The following TJP3 variants were observed in gnomAD, a reference collection of about 807,000 sequenced individuals.
TJP3 encodes the protein tight junction protein 3.
Under a neutral mutation model 104.2 loss-of-function variants are expected in TJP3, and 85 were observed. The observed-to-expected ratio is 0.82, with a 90% CI of 0.68 to 0.98. The LOEUF (loss-of-function observed/expected upper bound fraction) is 0.98. TJP3 is among the 50% of genes least tolerant of loss of function. The pLI is 0.00. For synonymous variants in TJP3, 550 were observed against 550.6 expected (o/e 1.00, Z 0.02); for missense variants, 1,367 against 1,322.8 (o/e 1.03, Z -0.52).
chr19:3,737,584 T>G (rs1490374253), intron 11 of TJP3, among the ~76,000 whole-genome samples: 1 of 152,172 alleles, frequency 6.6e-6, no homozygotes, highest in East Asian at 1.9e-4. Context: ...CCAGGCTGTC[T>G]CCCCTGTCCC....
intron 1 of TJP3, among the ~76,000 whole-genome samples, chr19:3,717,416 T>C (rs976193527): frequency 2.1e-4 from 31 of 147,118 alleles, no homozygotes; most frequent in African/African-American, 7.7e-4. Flanking sequence ...TATATATATA[T>C]ATATATATAT....
At chr19:3,719,555 G>T (rs2036522946) in intron 1 of TJP3, among the ~76,000 whole-genome samples, 1 of 151,610 alleles carries the variant, frequency 6.6e-6, no homozygotes, top group Non-Finnish European at 1.5e-5. Context: ...GGCCAACATG[G>T]GGAAACCCCA....
intron 1 of TJP3, among the ~76,000 whole-genome samples, chr19:3,719,278 C>T (rs1220410333): frequency 1.3e-5 from 2 of 151,986 alleles, no homozygotes; most frequent in African/African-American, 4.8e-5. Context: ...GGCTGAGTTG[C>T]CTGTAGGTAT....
At chr19:3,735,743 A>C in intron 9 of TJP3, 104 bp downstream of exon 9, 4 of 1,584,602 alleles carry the variant, frequency 2.5e-6, no homozygotes, top group Non-Finnish European at 3.5e-6. Context: ...CTAAGTGGTG[A>C]GACATGGTTT....
chr19:3,727,278 C>T (rs953428457), intron 1 of TJP3, among the ~76,000 whole-genome samples: 7 of 151,662 alleles, frequency 4.6e-5, no homozygotes, highest in African/African-American at 1.7e-4. Flanking sequence ...ATCAGGAGTT[C>T]GAGACCAGCC....
intron 15 of TJP3, among the ~76,000 whole-genome samples, chr19:3,745,642 G>T (rs1390381538): frequency 1.3e-5 from 2 of 152,160 alleles, no homozygotes; most frequent in Non-Finnish European, 2.9e-5. Flanking sequence ...GTCGTAGCCT[G>T]AGCAGAGCCC....
chr19:3,722,868 GCACAGGGGACGGC>G (rs2036557355), intron 1 of TJP3, among the ~76,000 whole-genome samples: 2 of 71,004 alleles, frequency 2.8e-5, no homozygotes, highest in African/African-American at 5.3e-5. Flanking sequence ...GGGGGGGGGG[GCACAGGGGACGGC>G]GGCCCGGGAG....
intron 1 of TJP3, among the ~76,000 whole-genome samples, chr19:3,710,718 C>T (rs2036426009): frequency 6.6e-6 from 1 of 151,886 alleles, no homozygotes; most frequent in Non-Finnish European, 1.5e-5. Context: ...TGTGCACTTA[C>T]TGTATGCGCG....
At chr19:3,741,975 A>C (rs187671864) in intron 14 of TJP3, among the ~76,000 whole-genome samples, 1 of 152,264 alleles carries the variant, frequency 6.6e-6, no homozygotes, top group East Asian at 1.9e-4. Context: ...CGTCTCAAAA[A>C]AAACAAAAAA....
At chr19:3,727,035 C>A (rs561720360) in intron 1 of TJP3, among the ~76,000 whole-genome samples, 1 of 151,658 alleles carries the variant, frequency 6.6e-6, no homozygotes, top group Non-Finnish European at 1.5e-5. Flanking sequence ...TGCATTGAAC[C>A]GTGATCACAC....
At position 3,748,062 on chromosome 19, in the gene TJP3, C is replaced by A. The variant is rs199978081; in HGVS notation, c.2591C>A (p.Ser864Ter). ...SQSPRDRGRI[S>*]AHQGAQVDSR... ...AGCCCGAGGGATCGTGGGAGAATCT[C>A]GGCTCATCAGGGGGCCCAGGTGCGT... Residue 864 changes from serine (S) to a stop codon, truncating the protein, a stop_gained, in exon 19 of 21, where the codon TCG (serine) becomes TAG (stop). Coordinates refer to ENST00000541714, the MANE Select transcript of TJP3 (RefSeq NM_001267560.2). LOFTEE classifies it high-confidence loss of function. 1.3e-4 allele frequency: 199 copies of A among 1,576,126 alleles called. No homozygotes were observed. The African/African-American group carries it at 2.5e-3, about 20-fold the overall frequency.
chr19:3,742,953 CAA>C (rs1348850896), intron 14 of TJP3, among the ~76,000 whole-genome samples: 1 of 147,228 alleles, frequency 6.8e-6, no homozygotes, highest in Non-Finnish European at 1.5e-5. Context: ...GGTGACACAG[CAA>C]GACTCTGTCT....
chr19:3,739,705 G>A (rs1478857634), intron 13 of TJP3, among the ~76,000 whole-genome samples: 1 of 152,174 alleles, frequency 6.6e-6, no homozygotes, highest in Non-Finnish European at 1.5e-5. Flanking sequence ...GGTATGGGCA[G>A]GCCTGGGCCC....
chr19:3,734,812 G>A (rs140759223), intron 8 of TJP3, among the ~76,000 whole-genome samples: 45 of 152,252 alleles, frequency 3.0e-4, no homozygotes, highest in African/African-American at 1.0e-3. Flanking sequence ...AAATTAGCCC[G>A]GCGTGGTGCC....
Position 3,730,745 on chromosome 19 carries a change from A to AC in TJP3, c.613+40dup. ...GGAGGTCGGACACGATCAGTACTGG[A>AC]CACAGGGCACCGTGGTCGGATGGGC... On this transcript the variant is annotated intron_variant, in intron 5 of 20. Coordinates refer to ENST00000541714, the MANE Select transcript of TJP3 (RefSeq NM_001267560.2). The surrounding 1 kb of genome is among the most constrained non-coding windows in gnomAD (Gnocchi z 7.3). The AC allele has an allele frequency of 3.8e-6, 6 of 1,562,060 alleles. No individual in the cohort carries two copies. The highest frequency in any genetic ancestry group is 4.3e-6 in the Non-Finnish European group (5 of 1,156,104).
chr19:3,740,412 G>C (rs628156), intron 13 of TJP3, 140 bp from the exon 14 acceptor site: 130,093 of 422,598 alleles, frequency 0.31, 20,914 homozygotes, highest in East Asian at 0.35. Flanking sequence ...AATAATAATA[G>C]TAATAATAAT....
In TJP3 at chr19:3,735,605, C is replaced by T; in HGVS notation, c.1026C>T (p.Ser342=). 6 of 1,614,214 alleles carry T rather than the reference C, an allele frequency of 3.7e-6. No individual in the cohort carries two copies. The highest frequency in any genetic ancestry group is 5.1e-6 in the Non-Finnish European group (6 of 1,180,044). ...TTCGGCGGGAAAGTTCAGTAGATTC[C>T]AGAACCATCTCGGAACCAGATGAGC... ...PRLRRESSVD[S]RTISEPDEQR... Residue 342 remains serine (S), a synonymous_variant, in exon 9 of 21, where the codon TCC becomes TCT. Coordinates refer to ENST00000541714, the MANE Select transcript of TJP3 (RefSeq NM_001267560.2).
chr19:3,716,780 C>CATATATATAT (rs1255662392), intron 1 of TJP3, among the ~76,000 whole-genome samples: 5 of 103,308 alleles, frequency 4.8e-5, no homozygotes, highest in African/African-American at 1.9e-4. Flanking sequence ...CCAGCTCATA[C>CATATATATAT]ATATATATAT....
At position 3,717,029 on chromosome 19, in the gene TJP3, G is replaced by A. The variant is rs1253980789; in HGVS notation, c.-10+8468G>A. The stretch of plus-strand genomic sequence containing the variant: ...TGCCCAGGCTGGAGTGCAATGGCCC[G>A]ATTTCGGCTCACTGCAACCTCCGCC... On this transcript the variant is annotated intron_variant, in intron 1 of 20. Coordinates refer to ENST00000541714, the MANE Select transcript of TJP3 (RefSeq NM_001267560.2). Among the ~76,000 whole-genome samples, 16 of 141,856 alleles carry A rather than the reference G, an allele frequency of 1.1e-4. 1 individual carries two copies. Among genetic ancestry groups the A allele is most frequent in the African/African-American group, 3.3e-4 (13 of 39,986 alleles). The allele number at this position is 141,856 out of a possible 152,430, so 93.1% of individuals were successfully genotyped here. A position where few individuals can be genotyped will look rare whatever the true frequency, so the allele number is the denominator to read the frequency against.
Sources: allele counts gnomAD v4.1 joint callset (sites outside exome capture counted in the v4.1 genomes callset), GRCh38; gene constraint gnomAD v4.1.1; non-coding constraint Gnocchi (gnomAD v3.1); transcripts MANE v1.5; gene names NCBI Gene and HGNC (gene_info 2026-07-23, HGNC 2026-07-21).